Variants in CHODL observed in about 807,000 individuals in gnomAD.
The protein encoded by CHODL is transmembrane protein MT75.
A neutral mutation model predicts 34.5 loss-of-function variants in CHODL; 29 were observed. The ratio of observed to expected loss-of-function variants is 0.84; its 90% CI spans 0.63 to 1.15. The LOEUF (loss-of-function observed/expected upper bound fraction) is 1.15, where lower values mean the gene tolerates loss of function less well. Among genes scored for constraint, CHODL ranks in the 50% most tolerant of loss-of-function variants. The pLI is 0.00. For missense variants in CHODL, 332 were observed against 332.5 expected (o/e 1.00, Z 0.01); for synonymous variants, 125 against 116.1 (o/e 1.08, Z -0.49).
intron 1 of CHODL, among the ~76,000 whole-genome samples, chr21:17,993,230 T>G (rs2063815495): frequency 6.6e-6 from 1 of 152,150 alleles, no homozygotes; most frequent in Non-Finnish European, 1.5e-5. Flanking sequence ...AAAATTTAAA[T>G]TTTAAGTTCA....
chr21:17,963,182 G>T (rs1478070977), intron 1 of CHODL, among the ~76,000 whole-genome samples: 2 of 152,010 alleles, frequency 1.3e-5, no homozygotes, highest in African/African-American at 2.4e-5. Context: ...ATTCCATTTG[G>T]ATACACCAGA....
chr21:17,963,724 AC>A, intron 1 of CHODL, among the ~76,000 whole-genome samples: 1 of 151,458 alleles, frequency 6.6e-6, no homozygotes, highest in African/African-American at 2.4e-5. Flanking sequence ...CAAGAAAACA[AC>A]CTTTTTTTTT....
chr21:18,010,536 G>C (rs2064009645), intron 1 of CHODL, among the ~76,000 whole-genome samples: 1 of 152,072 alleles, frequency 6.6e-6, no homozygotes, highest in Non-Finnish European at 1.5e-5. Flanking sequence ...CAAAATCCCA[G>C]CCTTCTACAT....
In CHODL at chr21:18,159,666, G is replaced by A. The variant is rs143304994; in HGVS notation, c.-44-96843G>A. ...AGAACCTGTGAATACTACTTTAAAT[G>A]GCCAAAGGGGCTTTGCAGGTGTGAT... On this transcript the variant is annotated intron_variant, in intron 2 of 6. Transcript: ENST00000400127. Among the ~76,000 whole-genome samples, 201 of 152,298 alleles carry A rather than the reference G, an allele frequency of 1.3e-3. 2 individuals carry two copies. The highest frequency in any genetic ancestry group is 4.6e-3 in the African/African-American group (192 of 41,564).
At chr21:18,239,075 G>A (rs1176209224) in intron 2 of CHODL, among the ~76,000 whole-genome samples, 2 of 152,036 alleles carry the variant, frequency 1.3e-5, no homozygotes, top group African/African-American at 4.8e-5. Context: ...AAATTTTTCT[G>A]CTGTAAAGGA....
intron 2 of CHODL, among the ~76,000 whole-genome samples, chr21:18,130,825 C>A (rs369066345): frequency 2.0e-5 from 3 of 152,124 alleles, no homozygotes; most frequent in Non-Finnish European, 4.4e-5. Context: ...TACTTACATT[C>A]ATATTGAATC....
rs1184865103 is a variant in CHODL, at chr21:18,266,219, T to C, written c.*181T>C. ...CTATTATTTCATTTAAAGAATATGC[T>C]GTGCTAATAATGGAGTGAGACATGC... On this transcript the variant is annotated 3_prime_UTR_variant, in exon 6 of 6. Transcript: ENST00000299295. 6.6e-7 allele frequency: 1 copy of C among 1,523,754 alleles called. No homozygotes were observed. The highest frequency in any genetic ancestry group is 1.4e-5 in the African/African-American group (1 of 72,052). The allele number at this position is 1,523,754 out of a possible 1,614,324, so 94.4% of individuals were successfully genotyped here. A position where few individuals can be genotyped will look rare whatever the true frequency, so the allele number is the denominator to read the frequency against.
At chr21:18,218,027 C>T (rs535264724) in intron 2 of CHODL, among the ~76,000 whole-genome samples, 7 of 152,332 alleles carry the variant, frequency 4.6e-5, no homozygotes, top group African/African-American at 1.7e-4. Flanking sequence ...CTCTGGGCTG[C>T]TTTCACAGGC....
At chr21:18,239,727 T>C (rs1457166275) in intron 2 of CHODL, among the ~76,000 whole-genome samples, 1 of 152,052 alleles carries the variant, frequency 6.6e-6, no homozygotes, top group Non-Finnish European at 1.5e-5. Flanking sequence ...TTGGATTATC[T>C]TTTACTCAAC....
At chr21:17,939,515 TTAAA>T (rs1460297062) in intron 1 of CHODL, among the ~76,000 whole-genome samples, 13 of 152,014 alleles carry the variant, frequency 8.6e-5, no homozygotes, top group African/African-American at 3.1e-4. Flanking sequence ...TAATTCACAA[TTAAA>T]TAATAATTAA....
At chr21:18,246,524 TTTTTCAGAA>T (rs1367195912) in intron 1 of CHODL, among the ~76,000 whole-genome samples, 16 of 152,296 alleles carry the variant, frequency 1.1e-4, no homozygotes, top group African/African-American at 3.4e-4. Context: ...ACTCTACACT[TTTTTCAGAA>T]TTTTCAGAAT....
chr21:17,990,753 G>A (rs1032100673), intron 1 of CHODL, among the ~76,000 whole-genome samples: 2 of 152,004 alleles, frequency 1.3e-5, no homozygotes, highest in African/African-American at 4.8e-5. Flanking sequence ...TACATACAAT[G>A]TATAATAATC....
In CHODL at chr21:18,267,298, A is replaced by AGTT. The variant is rs1214797055; in HGVS notation, c.*1263_*1265dup. ...TTACGCCTTGTTCTTCTCAAGAGAA[A>AGTT]GTTGTAACTCTCTGGTCTTCATATG... On this transcript the variant is annotated 3_prime_UTR_variant, in exon 6 of 6. Coordinates refer to ENST00000299295, the MANE Select transcript of CHODL (RefSeq NM_024944.3). 1.3e-5 allele frequency: 2 copies of AGTT among 152,206 alleles called. No homozygotes were observed. Among genetic ancestry groups the AGTT allele is most frequent in the East Asian group, 1.9e-4 (1 of 5,190 alleles). The allele number at this position is 152,206 out of a possible 1,614,324, so 9.4% of individuals were successfully genotyped here.
At chr21:18,205,040 G>A (rs549811033) in intron 2 of CHODL, among the ~76,000 whole-genome samples, 1 of 152,292 alleles carries the variant, frequency 6.6e-6, no homozygotes, top group Admixed American at 6.5e-5. Flanking sequence ...TTTGTAGAAA[G>A]GGTGTAGTTT....
At chr21:18,200,312 G>A (rs375688778) in intron 2 of CHODL, among the ~76,000 whole-genome samples, 4 of 152,042 alleles carry the variant, frequency 2.6e-5, no homozygotes, top group South Asian at 4.2e-4. Flanking sequence ...TATAAAATTT[G>A]CAATATAAAT....
At chr21:18,104,757 C>G (rs556018138) in intron 2 of CHODL, among the ~76,000 whole-genome samples, 1 of 152,200 alleles carries the variant, frequency 6.6e-6, no homozygotes, top group African/African-American at 2.4e-5. Context: ...ACCAATTGCT[C>G]TTCCTAATGA....
intron 1 of CHODL, among the ~76,000 whole-genome samples, chr21:17,940,937 C>G (rs2063358119): frequency 1.3e-5 from 2 of 152,114 alleles, no homozygotes; most frequent in South Asian, 4.1e-4. Context: ...AAGTGAACAT[C>G]TATGGTAATA....
intron 1 of CHODL, among the ~76,000 whole-genome samples, chr21:17,927,360 G>T (rs142964795): frequency 6.6e-6 from 1 of 151,896 alleles, no homozygotes; most frequent in Non-Finnish European, 1.5e-5. Flanking sequence ...TGTCTTTAGC[G>T]CTTATAACAT....
intron 2 of CHODL, among the ~76,000 whole-genome samples, chr21:18,065,360 T>A (rs574746816): frequency 1.5e-3 from 229 of 152,260 alleles, no homozygotes; most frequent in African/African-American, 5.1e-3. Flanking sequence ...CACCAAAAAA[T>A]ATTGTATGAT....
Sources: allele counts gnomAD v4.1 joint callset (sites outside exome capture counted in the v4.1 genomes callset), GRCh38; gene constraint gnomAD v4.1.1; transcripts MANE v1.5; gene names NCBI Gene and HGNC (gene_info 2026-07-23, HGNC 2026-07-21).